Variants in FHIT observed in about 807,000 individuals in gnomAD.
FHIT encodes fragile histidine triad diadenosine triphosphatase, also known as bis(5'-adenosyl)-triphosphatase.
FHIT carries 19 observed loss-of-function variants against 17.9 expected under a neutral mutation model. The ratio of observed to expected loss-of-function variants is 1.06; its 90% CI spans 0.74 to 1.56. The LOEUF (loss-of-function observed/expected upper bound fraction) is 1.56, where lower values mean the gene tolerates loss of function less well. FHIT is among the 40% of genes most tolerant of loss of function. FHIT has a pLI of 0.00. For synonymous variants in FHIT, 81 were observed against 69.7 expected (o/e 1.16, Z -0.81); for missense variants, 248 against 189.2 (o/e 1.31, Z -1.82).
chr3:60,198,695 G>T (rs1054472204), intron 5 of FHIT, among the ~76,000 whole-genome samples: 1 of 152,096 alleles, frequency 6.6e-6, no homozygotes, highest in Non-Finnish European at 1.5e-5. Flanking sequence ...AAAAGCCCAA[G>T]GGAGGCGGTG....
At chr3:60,917,534 C>G (rs569557638) in intron 3 of FHIT, among the ~76,000 whole-genome samples, 6 of 152,348 alleles carry the variant, frequency 3.9e-5, no homozygotes, top group Admixed American at 1.3e-4. Flanking sequence ...TGGAATCCAT[C>G]TACCACTTCT....
chr3:61,008,697 A>T (rs1043035111), intron 3 of FHIT, among the ~76,000 whole-genome samples: 1 of 152,178 alleles, frequency 6.6e-6, no homozygotes. Context: ...CAGCTTAATG[A>T]GGGAGGGACA....
chr3:60,725,843 C>T (rs2041906693), intron 4 of FHIT, among the ~76,000 whole-genome samples: 1 of 152,044 alleles, frequency 6.6e-6, no homozygotes, highest in Non-Finnish European at 1.5e-5. Flanking sequence ...ACTACACATG[C>T]TTTAACTTAC....
chr3:60,392,095 A>G (rs1240087981), intron 5 of FHIT, among the ~76,000 whole-genome samples: 1 of 152,210 alleles, frequency 6.6e-6, no homozygotes, highest in East Asian at 1.9e-4. Context: ...AATCCTATGC[A>G]TAGATTTCAA....
At chr3:60,424,583 A>C (rs1702594414) in intron 5 of FHIT, among the ~76,000 whole-genome samples, 2 of 152,102 alleles carry the variant, frequency 1.3e-5, no homozygotes, top group African/African-American at 4.8e-5. Context: ...TCACACATGC[A>C]TTGTGCATTT....
intron 5 of FHIT, among the ~76,000 whole-genome samples, chr3:60,015,807 G>A (rs986614223): frequency 4.6e-5 from 7 of 152,190 alleles, no homozygotes; most frequent in African/African-American, 1.7e-4. Context: ...GACAACCTAT[G>A]TATCTAATGT....
intron 5 of FHIT, among the ~76,000 whole-genome samples, chr3:60,327,178 T>C (rs986912517): frequency 2.6e-5 from 4 of 152,220 alleles, no homozygotes; most frequent in African/African-American, 9.6e-5. Flanking sequence ...TTCCATCTTC[T>C]TCATCAGCTT....
At chr3:59,912,333 G>A (rs965269930) in intron 8 of FHIT, among the ~76,000 whole-genome samples, 16 of 152,188 alleles carry the variant, frequency 1.1e-4, no homozygotes, top group African/African-American at 3.9e-4. Flanking sequence ...ACCGCATGTG[G>A]ATGGAAAATA....
At chr3:60,389,693 T>C (rs1701147629) in intron 5 of FHIT, among the ~76,000 whole-genome samples, 1 of 152,200 alleles carries the variant, frequency 6.6e-6, no homozygotes, top group African/African-American at 2.4e-5. Context: ...TGGTCGATAA[T>C]GAGGTCTTTA....
intron 3 of FHIT, among the ~76,000 whole-genome samples, chr3:60,917,177 A>G (rs1707049924): frequency 6.6e-6 from 1 of 152,240 alleles, no homozygotes; most frequent in South Asian, 2.1e-4. Flanking sequence ...ATAAATGCCA[A>G]CAGAGAATAC....
chr3:59,760,738 A>G (rs932772108), intron 8 of FHIT, among the ~76,000 whole-genome samples: 4 of 152,104 alleles, frequency 2.6e-5, no homozygotes, highest in African/African-American at 7.2e-5. Context: ...CAGTAATTCT[A>G]TCCTCAAATG....
At chr3:61,178,722 T>C (rs1489094502) in intron 2 of FHIT, among the ~76,000 whole-genome samples, 1 of 152,076 alleles carries the variant, frequency 6.6e-6, no homozygotes, top group Non-Finnish European at 1.5e-5. Context: ...ATTTCTAAGA[T>C]GACCTTTGGA....
chr3:59,771,746 C>G (rs492234), intron 8 of FHIT, among the ~76,000 whole-genome samples: 86,039 of 152,032 alleles, frequency 0.57, 24,562 homozygotes, highest in Middle Eastern at 0.63. Context: ...ACACTCAAGA[C>G]ACAGACTTCT....
chr3:60,470,278 C>A (rs1333608239), intron 5 of FHIT, among the ~76,000 whole-genome samples: 3 of 152,096 alleles, frequency 2.0e-5, no homozygotes, highest in African/African-American at 7.2e-5. Context: ...TCCTGCCAGG[C>A]TTGTGTCCTT....
At chr3:59,750,011 CAT>C (rs112239229) in intron 9 of FHIT, 9,350 of 223,630 alleles carry the variant, frequency 0.042, 254 homozygotes, top group African/African-American at 0.074. Context: ...GAGAAATACA[CAT>C]GTTAGTTAAC....
intron 4 of FHIT, among the ~76,000 whole-genome samples, chr3:60,721,202 C>T (rs1017413284): frequency 1.3e-5 from 2 of 152,170 alleles, no homozygotes; most frequent in African/African-American, 4.8e-5. Context: ...CCCTTACCTT[C>T]TGTCTTCTTC....
At chr3:60,613,784 T>TA (rs1156528382) in intron 4 of FHIT, among the ~76,000 whole-genome samples, 1 of 152,112 alleles carries the variant, frequency 6.6e-6, no homozygotes, top group Non-Finnish European at 1.5e-5. Flanking sequence ...AAGGGGCTAC[T>TA]AGTAGCTTCT....
chr3:60,426,528 A>G (rs1318729066), intron 5 of FHIT, among the ~76,000 whole-genome samples: 1 of 152,118 alleles, frequency 6.6e-6, no homozygotes, highest in East Asian at 1.9e-4. Flanking sequence ...ATATGCATCT[A>G]TTTATCACTG....
chr3:60,555,621 G>A (rs552330428), intron 4 of FHIT, among the ~76,000 whole-genome samples: 46 of 152,172 alleles, frequency 3.0e-4, no homozygotes, highest in Middle Eastern at 3.4e-3. Context: ...TCATCCTCTC[G>A]CCATGAGAGG....
Sources: gnomAD v4.1 joint callset for allele counts (sites outside exome capture counted in the v4.1 genomes callset) on GRCh38, gnomAD v4.1.1 for gene constraint, MANE v1.5 for transcripts, NCBI Gene and HGNC (gene_info 2026-07-23, HGNC 2026-07-21) for gene names.